The following LPIN2 variants were observed in gnomAD, a reference collection of about 807,000 sequenced individuals.
LPIN2 encodes the protein phosphatidate phosphatase LPIN2.
A neutral mutation model predicts 111.4 loss-of-function variants in LPIN2; 55 were observed. The observed-to-expected ratio is 0.49, with a 90% CI of 0.40 to 0.62. LPIN2 has a LOEUF of 0.62. LPIN2 is among the 20% of genes least tolerant of loss of function. The pLI is 0.00. For synonymous variants in LPIN2, 425 were observed against 414.0 expected, an observed-to-expected ratio of 1.03 and a Z score of -0.32; for missense variants, 992 against 1,112.1, an observed-to-expected ratio of 0.89 and a Z score of 1.54.
intron 1 of LPIN2, among the ~76,000 whole-genome samples, chr18:3,009,837 GCAGT>G (rs2078573177): frequency 3.3e-5 from 5 of 152,218 alleles, no homozygotes; most frequent in Admixed American, 6.5e-5. Flanking sequence ...AGACTGAATT[GCAGT>G]CAGTGAATCA....
At chr18:3,002,200 T>C (rs946522150) in intron 1 of LPIN2, among the ~76,000 whole-genome samples, 6 of 134,398 alleles carry the variant, frequency 4.5e-5, no homozygotes, top group African/African-American at 1.7e-4. Flanking sequence ...CACTGAAAGA[T>C]TCAGCCAGCA....
At chr18:2,948,836 C>CA (rs2077493810) in intron 4 of LPIN2, among the ~76,000 whole-genome samples, 1 of 148,734 alleles carries the variant, frequency 6.7e-6, no homozygotes, top group Admixed American at 6.7e-5. Flanking sequence ...TTTTTAAAGA[C>CA]AGAGTCTTGC....
chr18:2,951,024 C>T (rs774277982), intron 4 of LPIN2, 31 bp downstream of exon 4: 18 of 1,613,162 alleles, frequency 1.1e-5, no homozygotes, highest in Non-Finnish European at 1.4e-5. Context: ...TAGGTACCCG[C>T]ACAAGACCCT....
At chr18:2,973,260 A>C (rs2077953109) in intron 1 of LPIN2, among the ~76,000 whole-genome samples, 1 of 152,192 alleles carries the variant, frequency 6.6e-6, no homozygotes, top group African/African-American at 2.4e-5. Flanking sequence ...TACAGTTGTT[A>C]GCTGTGACCA....
At chr18:2,933,391 T>C (rs2077240555) in intron 8 of LPIN2, among the ~76,000 whole-genome samples, 1 of 152,166 alleles carries the variant, frequency 6.6e-6, no homozygotes, top group Admixed American at 6.5e-5. Flanking sequence ...AAGTGGTAAT[T>C]CTATGACAGC....
In LPIN2 at chr18:2,929,170, A is replaced by G; in HGVS notation, c.1457-12T>C. 6.7e-7 allele frequency: 1 copy of G among 1,482,734 alleles called. No homozygotes were observed. The highest frequency in any genetic ancestry group is 9.4e-7 in the Non-Finnish European group (1 of 1,060,816). The allele number at this position is 1,482,734 out of a possible 1,614,324, so 91.8% of individuals were successfully genotyped here. A position where few individuals can be genotyped will look rare whatever the true frequency, so the allele number is the denominator to read the frequency against. ...CTCCATGAATTTTTCTGCAATGTAA[A>G]ATAATAATCAATTTGGTTAGAGATT... On this transcript the variant is annotated splice_polypyrimidine_tract_variant and intron_variant, in intron 9 of 19. Coordinates refer to ENST00000677752, the MANE Select transcript of LPIN2 (RefSeq NM_001375808.2).
intron 1 of LPIN2, among the ~76,000 whole-genome samples, chr18:2,976,007 G>C (rs143285215): frequency 6.6e-6 from 1 of 152,062 alleles, no homozygotes; most frequent in African/African-American, 2.4e-5. Context: ...GAATTTGTAC[G>C]ATTCTTCCAC....
At chr18:3,012,468 T>A (rs1204676966) in intron 1 of LPIN2, among the ~76,000 whole-genome samples, 2 of 150,094 alleles carry the variant, frequency 1.3e-5, no homozygotes, top group Non-Finnish European at 2.9e-5. Context: ...AACGTGTTCC[T>A]CACAAATTAA....
chr18:2,945,538 T>C, intron 4 of LPIN2: 1 of 1,289,780 alleles, frequency 7.8e-7, no homozygotes. Context: ...CTTCCTCCCA[T>C]CTCCCACTCA....
intron 5 of LPIN2, among the ~76,000 whole-genome samples, chr18:2,939,982 A>G (rs1173626013): frequency 1.3e-5 from 2 of 152,112 alleles, no homozygotes; most frequent in East Asian, 1.9e-4. Context: ...TTTTTTCACT[A>G]TATTATTCAT....
At chr18:2,937,576 G>T in intron 7 of LPIN2, 116 bp downstream of exon 7, 1 of 596,388 alleles carries the variant, frequency 1.7e-6, no homozygotes. Flanking sequence ...AAAAAAGTGC[G>T]ACGGGTTTCG....
Position 2,974,267 on chromosome 18 carries a change from A to G in LPIN2, c.-9-13418T>C, listed in dbSNP as rs569382961. ...AATTTTTTTGTATTTTTTAGTAGAG[A>G]TGGGGTTTCACCGTGTTAGCCAGGA... On this transcript the variant is annotated intron_variant, in intron 1 of 19. Transcript: ENST00000677752. 6.8e-4 allele frequency among the ~76,000 whole-genome samples: 103 copies of G among 151,930 alleles called. 1 individual carries two copies. Among genetic ancestry groups the G allele is most frequent in the African/African-American group, 2.2e-3 (92 of 41,398 alleles).
chr18:2,998,695 A>T (rs2078382357), intron 1 of LPIN2, among the ~76,000 whole-genome samples: 1 of 152,060 alleles, frequency 6.6e-6, no homozygotes, highest in Admixed American at 6.6e-5. Context: ...TTTTTTTTTA[A>T]GCAACAAAGC....
At chr18:2,975,907 GAATTTTATCCA>G in intron 1 of LPIN2, among the ~76,000 whole-genome samples, 1 of 152,086 alleles carries the variant, frequency 6.6e-6, no homozygotes, top group African/African-American at 2.4e-5. Context: ...CAATTTTTTT[GAATTTTATCCA>G]AAATTCAAAC....
At chr18:2,998,876 T>C (rs2078385597) in intron 1 of LPIN2, among the ~76,000 whole-genome samples, 1 of 152,192 alleles carries the variant, frequency 6.6e-6, no homozygotes, top group Non-Finnish European at 1.5e-5. Context: ...AACCTTCAAA[T>C]GACTTTAGAA....
intron 1 of LPIN2, chr18:2,966,928 A>G (rs2077813817): frequency 6.6e-6 from 1 of 152,166 alleles, no homozygotes; most frequent in African/African-American, 2.4e-5. Context: ...GGGAAGAGAG[A>G]CACCAGATGC....
intron 1 of LPIN2, among the ~76,000 whole-genome samples, chr18:2,980,068 T>A (rs1342087996): frequency 3.9e-5 from 6 of 152,190 alleles, no homozygotes; most frequent in Non-Finnish European, 7.3e-5. Flanking sequence ...AAGGTATCAT[T>A]TTCAAGCCCA....
chr18:2,997,008 G>A (rs1428009969), intron 1 of LPIN2, among the ~76,000 whole-genome samples: 2 of 151,154 alleles, frequency 1.3e-5, no homozygotes, highest in African/African-American at 4.9e-5. Context: ...TTGAGACAGA[G>A]TCTCACTCCC....
chr18:2,993,522 T>C lies in LPIN2; in HGVS notation c.-10+19565A>G, dbSNP rs376045392. ...TCGAAAACTATGGCTTTCTGAGCAT[T>C]CAACTCTACTAAGTAGAAAGCAAAG... On this transcript the variant is annotated intron_variant, in intron 1 of 19. Transcript: ENST00000677752. Among the ~76,000 whole-genome samples, 5 of 152,234 alleles carry C rather than the reference T, an allele frequency of 3.3e-5. No individual in the cohort carries two copies. In the East Asian group the frequency reaches 5.8e-4, roughly 18 times the overall value.
Sources: allele counts gnomAD v4.1 joint callset (sites outside exome capture counted in the v4.1 genomes callset), GRCh38; gene constraint gnomAD v4.1.1; transcripts MANE v1.5; gene names NCBI Gene and HGNC (gene_info 2026-07-23, HGNC 2026-07-21).